Variants in ATP8A2 observed in about 807,000 individuals in gnomAD.
ATP8A2 encodes ATPase phospholipid transporting 8A2.
A neutral mutation model predicts 165.6 loss-of-function variants in ATP8A2; 100 were observed. That is an observed-to-expected ratio of 0.60 (90% CI 0.51 to 0.71). The LOEUF is 0.71. Among genes scored for constraint, ATP8A2 ranks in the 30% least tolerant of loss-of-function variants. ATP8A2 has a pLI of 0.00. For missense variants in ATP8A2, 1,227 were observed against 1,479.5 expected (o/e 0.83, Z 2.80); for synonymous variants, 543 against 548.8 (o/e 0.99, Z 0.15).
At position 25,659,316 on chromosome 13, in the gene ATP8A2, A is replaced by G. The variant is rs937771065; in HGVS notation, c.2212-39857A>G. Among the ~76,000 whole-genome samples, 8 of 152,338 alleles carry G rather than the reference A, an allele frequency of 5.3e-5. 1 individual carries two copies. The highest frequency in any genetic ancestry group is 2.1e-4 in the South Asian group (1 of 4,826). On this transcript the variant is annotated intron_variant, in intron 24 of 36. Coordinates refer to ENST00000381655, the MANE Select transcript of ATP8A2 (RefSeq NM_016529.6). ...GCTGTCCAAGTCTGGAACTTTAGGC[A>G]AGTTAAGATCAACAAGCACTCTGCG...
intron 34 of ATP8A2, among the ~76,000 whole-genome samples, chr13:25,962,818 C>T (rs1028821701): frequency 7.2e-5 from 11 of 152,266 alleles, no homozygotes; most frequent in East Asian, 5.8e-4. Flanking sequence ...TTGAAAAAGT[C>T]CTCATTTTGG....
At chr13:25,813,510 T>C (rs1444959776) in intron 27 of ATP8A2, among the ~76,000 whole-genome samples, 1 of 151,928 alleles carries the variant, frequency 6.6e-6, no homozygotes, top group Non-Finnish European at 1.5e-5. Context: ...TGGTATGATA[T>C]ATGATATGGT....
chr13:25,860,183 T>G lies in ATP8A2; in HGVS notation c.2957-12T>G, dbSNP rs541545714. The G allele has an allele frequency of 6.2e-7, 1 of 1,603,628 alleles. No homozygotes were observed. Among genetic ancestry groups the G allele is most frequent in the South Asian group, 1.1e-5 (1 of 90,592 alleles). ...CTTCTTGGATGTTAATAGTAACTTC[T>G]TTGTTTTTCAGATACTGTGTTGACA... On this transcript the variant is annotated splice_polypyrimidine_tract_variant and intron_variant, in intron 30 of 36. Transcript: ENST00000381655.
chr13:25,562,908 C>G (rs776721815), intron 15 of ATP8A2, among the ~76,000 whole-genome samples: 1 of 152,102 alleles, frequency 6.6e-6, no homozygotes, highest in Non-Finnish European at 1.5e-5. Context: ...GTGCTGTCTT[C>G]CTCCTTCCCT....
chr13:25,661,856 G>A (rs1485408106), intron 24 of ATP8A2, among the ~76,000 whole-genome samples: 1 of 152,184 alleles, frequency 6.6e-6, no homozygotes, highest in Non-Finnish European at 1.5e-5. Context: ...AGGATGAGAT[G>A]TTAATTTAAG....
At chr13:25,545,308 C>T (rs1345974769) in intron 10 of ATP8A2, among the ~76,000 whole-genome samples, 1 of 152,090 alleles carries the variant, frequency 6.6e-6, no homozygotes, top group Non-Finnish European at 1.5e-5. Flanking sequence ...TCCATCGCCC[C>T]TGCTAGGTCC....
At position 25,638,560 on chromosome 13, in the gene ATP8A2, A is replaced by G. The variant is rs547279887; in HGVS notation, c.2211+48861A>G. Among the ~76,000 whole-genome samples the G allele has an allele frequency of 2.6e-4, 40 of 152,304 alleles. 1 individual carries two copies. The highest frequency in any genetic ancestry group is 1.7e-3 in the Admixed American group (26 of 15,304). On this transcript the variant is annotated intron_variant, in intron 24 of 36. Coordinates refer to ENST00000381655, the MANE Select transcript of ATP8A2 (RefSeq NM_016529.6). ...AGCGAGAAGAGAAGTTTAGAGAAAG[A>G]TGAGTAAAAAGAAACTATCAGAGCC...
At chr13:25,537,792 G>T (rs992475651) in intron 6 of ATP8A2, among the ~76,000 whole-genome samples, 196 bp from the exon 7 acceptor site, 1 of 152,094 alleles carries the variant, frequency 6.6e-6, no homozygotes, top group Non-Finnish European at 1.5e-5. Flanking sequence ...TGCAAAAAAA[G>T]GCAACATTAC....
rs143797258 is a variant in ATP8A2, at chr13:25,719,395, C to A, written c.2384+20050C>A. On this transcript the variant is annotated intron_variant, in intron 25 of 36. Coordinates refer to ENST00000381655, the MANE Select transcript of ATP8A2 (RefSeq NM_016529.6). Reference sequence around the variant, plus strand: ...AGAAGCTGGCTTAGCAGTTCTGAGGCTGACATGAACATTGCTTCTTAAATT... The same window carrying A: ...AGAAGCTGGCTTAGCAGTTCTGAGGATGACATGAACATTGCTTCTTAAATT... Among the ~76,000 whole-genome samples the A allele has an allele frequency of 2.0e-3, 300 of 151,928 alleles. 1 individual carries two copies. Among genetic ancestry groups the A allele is most frequent in the Admixed American group, 6.4e-3 (98 of 15,282 alleles).
chr13:25,833,726 A>G (rs1951535250), intron 28 of ATP8A2, among the ~76,000 whole-genome samples: 1 of 152,232 alleles, frequency 6.6e-6, no homozygotes, highest in South Asian at 2.1e-4. Context: ...TAAAATAGTA[A>G]AATCCTACAA....
intron 1 of ATP8A2, among the ~76,000 whole-genome samples, chr13:25,379,101 AT>A (rs2032745489): frequency 6.6e-6 from 1 of 152,210 alleles, no homozygotes; most frequent in South Asian, 2.1e-4. Context: ...AGGCTCCTTA[AT>A]TTTGATTCAG....
intron 1 of ATP8A2, among the ~76,000 whole-genome samples, chr13:25,407,054 C>T (rs1028813004): frequency 3.3e-5 from 5 of 152,168 alleles, no homozygotes; most frequent in Admixed American, 3.3e-4. Flanking sequence ...CTTAAAGATA[C>T]CACGGTTGGG....
chr13:25,731,147 A>AAAG (rs375465995), intron 25 of ATP8A2, among the ~76,000 whole-genome samples: 2,799 of 123,378 alleles, frequency 0.023, 159 homozygotes, highest in African/African-American at 0.079. Context: ...AGAGAGAAAT[A>AAAG]AAAGAAAGAA....
At chr13:25,405,789 A>G (rs1427980273) in intron 1 of ATP8A2, among the ~76,000 whole-genome samples, 1 of 152,240 alleles carries the variant, frequency 6.6e-6, no homozygotes, top group African/African-American at 2.4e-5. Flanking sequence ...TTTAGGCTAG[A>G]CAGTGCCTTG....
At chr13:25,451,657 G>T (rs1212915453) in intron 1 of ATP8A2, among the ~76,000 whole-genome samples, 1 of 151,978 alleles carries the variant, frequency 6.6e-6, no homozygotes, top group Non-Finnish European at 1.5e-5. Flanking sequence ...GACTTCGTAG[G>T]TTCACTACAG....
At chr13:25,468,810 A>G (rs1352338752) in intron 1 of ATP8A2, 167 bp from the exon 2 acceptor site, 1 of 982,700 alleles carries the variant, frequency 1.0e-6, no homozygotes, top group Non-Finnish European at 1.2e-6. Context: ...CTGCCGCGGC[A>G]CAGGCGGCGG....
At chr13:25,843,503 C>T (rs907399432) in intron 30 of ATP8A2, among the ~76,000 whole-genome samples, 1 of 151,986 alleles carries the variant, frequency 6.6e-6, no homozygotes, top group African/African-American at 2.4e-5. Flanking sequence ...ATTAGTGTAC[C>T]TATAAAAAGG....
intron 33 of ATP8A2, among the ~76,000 whole-genome samples, chr13:25,910,574 AT>A (rs5802353): frequency 0.1 from 15,207 of 151,878 alleles, 1,281 homozygotes; most frequent in Admixed American, 0.24. Context: ...AACAGATTGG[AT>A]TTTTTTTCTT....
intron 33 of ATP8A2, among the ~76,000 whole-genome samples, chr13:25,878,550 T>G (rs923030244): frequency 1.3e-5 from 2 of 148,734 alleles, no homozygotes; most frequent in African/African-American, 5.0e-5. Context: ...TGGTGGGTTT[T>G]GGCTGGCTTC....
Sources: allele counts gnomAD v4.1 joint callset (sites outside exome capture counted in the v4.1 genomes callset), GRCh38; gene constraint gnomAD v4.1.1; transcripts MANE v1.5; gene names NCBI Gene and HGNC (gene_info 2026-07-23, HGNC 2026-07-21).